The following DENND2C variants were observed in gnomAD, a reference collection of about 807,000 sequenced individuals.
The protein encoded by DENND2C is DENN domain-containing protein 2C.
Under a neutral mutation model 112.4 loss-of-function variants are expected in DENND2C, and 72 were observed. The observed-to-expected ratio is 0.64, with a 90% CI of 0.53 to 0.78. The LOEUF is 0.78. Ranked by LOEUF, DENND2C falls within the 30% of genes least tolerant of loss-of-function variation. The probability of loss-of-function intolerance (pLI) is 0.00; values close to 1 mark genes in which losing one functional copy is unlikely to be tolerated. For missense variants in DENND2C, 992 were observed against 1,113.8 expected, an observed-to-expected ratio of 0.89 and a Z score of 1.56; for synonymous variants, 329 against 381.6, an observed-to-expected ratio of 0.86 and a Z score of 1.61.
intron 3 of DENND2C, among the ~76,000 whole-genome samples, chr1:114,631,471 G>A (rs1656486646): frequency 6.6e-6 from 1 of 151,870 alleles, no homozygotes; most frequent in African/African-American, 2.4e-5. Flanking sequence ...CCTATACCCA[G>A]GAGAAAAATC....
At chr1:114,653,259 C>A (rs1242978924) in intron 2 of DENND2C, among the ~76,000 whole-genome samples, 2 of 151,912 alleles carry the variant, frequency 1.3e-5, no homozygotes, top group Admixed American at 6.6e-5. Flanking sequence ...CAGGTGTGCA[C>A]CACCACACGG....
At chr1:114,619,325 C>A (rs1016760855) in intron 7 of DENND2C, among the ~76,000 whole-genome samples, 1 of 151,458 alleles carries the variant, frequency 6.6e-6, no homozygotes, top group Non-Finnish European at 1.5e-5. Flanking sequence ...AAATTCCAAG[C>A]TTTTCTTAAG....
rs772319734 is a variant in DENND2C at position 114,595,887 on chromosome 1, G to C, written c.2284-14C>G. ...AACTATCAGCACCTATGAAATAAAGGAGCCAGGCAAGTTCAACCAGAGACA... is the reference window on the plus strand; with the variant it reads ...AACTATCAGCACCTATGAAATAAAGCAGCCAGGCAAGTTCAACCAGAGACA... On this transcript the variant is annotated splice_polypyrimidine_tract_variant and intron_variant, in intron 16 of 20. Coordinates refer to ENST00000393274, the MANE Select transcript of DENND2C (RefSeq NM_001256404.2). 1 of 1,613,346 alleles carries C rather than the reference G, an allele frequency of 6.2e-7. No homozygotes were observed. Among genetic ancestry groups the C allele is most frequent in the Non-Finnish European group, 8.5e-7 (1 of 1,179,604 alleles).
At chr1:114,623,352 G>A (rs1260369528) in intron 5 of DENND2C, among the ~76,000 whole-genome samples, 155 bp downstream of exon 5, 1 of 152,116 alleles carries the variant, frequency 6.6e-6, no homozygotes, top group Non-Finnish European at 1.5e-5. Context: ...AAATTCATTA[G>A]AGAATAAAAT....
chr1:114,654,091 G>GT (rs1377839920), intron 2 of DENND2C, among the ~76,000 whole-genome samples: 5 of 152,170 alleles, frequency 3.3e-5, no homozygotes, highest in Non-Finnish European at 7.3e-5. Context: ...TCTGGGTGAT[G>GT]TAACTATGGT....
In DENND2C at chr1:114,599,379, TGGGATATAG is replaced by T; in HGVS notation, c.2169_2177del (p.Tyr724_Pro726del). ...TGTCAATCATAGATGCTGGCAGGAC[TGGGATATAG>T]GTATGCTGCCAGGTGAACGGATACA... On this transcript the variant is annotated inframe_deletion, in exon 16 of 21. Coordinates refer to ENST00000393274, the MANE Select transcript of DENND2C (RefSeq NM_001256404.2). 1 of 1,614,078 alleles carries T rather than the reference TGGGATATAG, an allele frequency of 6.2e-7. No homozygotes were observed. The highest frequency in any genetic ancestry group is 8.5e-7 in the Non-Finnish European group (1 of 1,179,992).
chr1:114,657,361 T>C (rs1292707751), intron 1 of DENND2C, among the ~76,000 whole-genome samples: 1 of 152,230 alleles, frequency 6.6e-6, no homozygotes, highest in Non-Finnish European at 1.5e-5. Flanking sequence ...TCATGTTCTG[T>C]TAGAATTGAG....
chr1:114,654,896 C>T (rs1657267236), intron 1 of DENND2C, 135 bp from the exon 2 acceptor site: 1 of 152,274 alleles, frequency 6.6e-6, no homozygotes, highest in East Asian at 1.9e-4. Flanking sequence ...ACACACGGAG[C>T]TCCAGCTATT....
chr1:114,585,269 TAAC>T lies in DENND2C; in HGVS notation c.*328_*330del, dbSNP rs373467078. ...TCATCTTTGAGCTATTTTTTAAATG[TAAC>T]AACAACAAGGCTTTTCCTTGTGAAA... On this transcript the variant is annotated 3_prime_UTR_variant, in exon 21 of 21. Transcript: ENST00000393274. 723 of 292,994 alleles carry T rather than the reference TAAC, an allele frequency of 2.5e-3. 7 individuals are homozygous for T. Among genetic ancestry groups the T allele is most frequent in the African/African-American group, 0.014 (643 of 47,052 alleles). 18.1% of individuals were successfully genotyped at this position (292,994 alleles called of 1,614,324 possible).
In DENND2C at chr1:114,585,366, A is replaced by T. The variant is rs963944612; in HGVS notation, c.*234T>A. ...CAAGAATCACATAGAAAAGGCTGCT[A>T]TAAAAAAAAAATGGAGACAGAGTAA... On this transcript the variant is annotated 3_prime_UTR_variant, in exon 21 of 21. Coordinates refer to ENST00000393274, the MANE Select transcript of DENND2C (RefSeq NM_001256404.2). 6.7e-6 allele frequency: 3 copies of T among 445,436 alleles called. No individual in the cohort carries two copies. The highest frequency in any genetic ancestry group is 7.5e-5 in the Admixed American group (2 of 26,704). The allele number at this position is 445,436 out of a possible 1,614,324, so 27.6% of individuals were successfully genotyped here. A position where few individuals can be genotyped will look rare whatever the true frequency, so the allele number is the denominator to read the frequency against.
chr1:114,620,273 G>A (rs1282166806), intron 7 of DENND2C, among the ~76,000 whole-genome samples: 1 of 152,148 alleles, frequency 6.6e-6, no homozygotes, highest in African/African-American at 2.4e-5. Context: ...GCTTGTTCCT[G>A]CCTGACAATT....
chr1:114,609,397 C>G (rs781322486), intron 9 of DENND2C, among the ~76,000 whole-genome samples: 4 of 152,180 alleles, frequency 2.6e-5, no homozygotes, highest in African/African-American at 7.2e-5. Context: ...GTTCCCTTCT[C>G]TCCTTGCCAC....
chr1:114,624,062 T>C (rs1656263935), intron 4 of DENND2C, among the ~76,000 whole-genome samples: 2 of 152,154 alleles, frequency 1.3e-5, no homozygotes, highest in South Asian at 4.2e-4. Flanking sequence ...AATAAATAAG[T>C]ACAGAACTAG....
intron 1 of DENND2C, among the ~76,000 whole-genome samples, chr1:114,669,545 G>A (rs1657732250): frequency 6.6e-6 from 1 of 152,138 alleles, no homozygotes; most frequent in African/African-American, 2.4e-5. Flanking sequence ...ACCAAAAAAA[G>A]CAAAATATTG....
chr1:114,605,099 C>T (rs898088147), intron 10 of DENND2C, 68 bp from the exon 11 acceptor site: 3 of 1,207,328 alleles, frequency 2.5e-6, no homozygotes, highest in Non-Finnish European at 3.5e-6. Flanking sequence ...ATAAAAAACT[C>T]AGCCTTGTCT....
chr1:114,646,256 C>T (rs192578259), intron 2 of DENND2C, among the ~76,000 whole-genome samples: 115 of 152,188 alleles, frequency 7.6e-4, no homozygotes, highest in Non-Finnish European at 1.5e-3. Context: ...ATCATGTTTA[C>T]CTCGTAGGGA....
chr1:114,636,069 A>G (rs954924639), intron 3 of DENND2C, among the ~76,000 whole-genome samples: 2 of 150,788 alleles, frequency 1.3e-5, no homozygotes, highest in African/African-American at 4.8e-5. Flanking sequence ...AATCAAACTC[A>G]TAAATAAATA....
chr1:114,609,737 C>CT (rs376156453), intron 9 of DENND2C, among the ~76,000 whole-genome samples: 1 of 152,276 alleles, frequency 6.6e-6, no homozygotes, highest in African/African-American at 2.4e-5. Flanking sequence ...TCTTTCCTTT[C>CT]TTTTTGATAC....
intron 8 of DENND2C, among the ~76,000 whole-genome samples, chr1:114,613,299 T>C (rs1038922324): frequency 2.0e-5 from 3 of 152,200 alleles, no homozygotes; most frequent in African/African-American, 4.8e-5. Flanking sequence ...AGTATTTGTG[T>C]AGAAAATGTA....
Sources: allele counts gnomAD v4.1 joint callset (sites outside exome capture counted in the v4.1 genomes callset), GRCh38; gene constraint gnomAD v4.1.1; transcripts MANE v1.5; gene names NCBI Gene and HGNC (gene_info 2026-07-23, HGNC 2026-07-21).